CCSER2: variants seen among roughly 807,000 people sequenced by gnomAD.
The protein encoded by CCSER2 is coiled-coil serine rich protein 2, also known as serine-rich coiled-coil domain-containing protein 2.
A neutral mutation model predicts 92.3 loss-of-function variants in CCSER2; 46 were observed. That is an observed-to-expected ratio of 0.50 (90% CI 0.39 to 0.64). The LOEUF is 0.64. Among genes scored for constraint, CCSER2 ranks in the 30% least tolerant of loss-of-function variants. The pLI is 0.00. For missense variants in CCSER2, 1,244 were observed against 1,238.9 expected (o/e 1.00, Z -0.06); for synonymous variants, 433 against 431.4 (o/e 1.00, Z -0.04).
intron 6 of CCSER2, among the ~76,000 whole-genome samples, chr10:84,457,256 TAAA>T (rs1564684258): frequency 0.017 from 656 of 39,236 alleles, 28 homozygotes; most frequent in Middle Eastern, 0.056. Context: ...ATATATTATA[TAAA>T]ATATATTATA....
In CCSER2 at chr10:84,499,810, T is replaced by A. The variant is rs866008169; in HGVS notation, c.2326-13639T>A. On this transcript the variant is annotated intron_variant, in intron 9 of 9. Coordinates refer to ENST00000372088, the MANE Select transcript of CCSER2 (RefSeq NM_001284240.2). ...ATTTAAAAGTAAAACAAAGTATGAC[T>A]TGGTTTCTCTATTTTTTGGTTCCCT... is the stretch of plus-strand genomic sequence containing the variant. The A allele has an allele frequency of 5.3e-5, 80 of 1,507,098 alleles. 1 individual carries two copies. The Middle Eastern group carries it at 2.7e-3, about 52-fold the overall frequency. 93.4% of individuals were successfully genotyped at this position (1,507,098 alleles called of 1,614,324 possible). A position where few individuals can be genotyped will look rare whatever the true frequency, so the allele number is the denominator to read the frequency against.
At chr10:84,355,484 C>T (rs1022670623) in intron 1 of CCSER2, among the ~76,000 whole-genome samples, 1 of 152,038 alleles carries the variant, frequency 6.6e-6, no homozygotes, top group Non-Finnish European at 1.5e-5. Flanking sequence ...TTATGTTATC[C>T]CTCTCTCCCA....
At chr10:84,465,633 T>C (rs2133682958) in intron 7 of CCSER2, among the ~76,000 whole-genome samples, 1 of 152,174 alleles carries the variant, frequency 6.6e-6, no homozygotes, top group South Asian at 2.1e-4. Flanking sequence ...GACAAGAAAT[T>C]ATGTTTTAAA....
At chr10:84,482,061 C>T (rs1847491234) in intron 9 of CCSER2, among the ~76,000 whole-genome samples, 1 of 152,030 alleles carries the variant, frequency 6.6e-6, no homozygotes. Context: ...ATGATATCTA[C>T]TTACATGGAT....
intron 3 of CCSER2, among the ~76,000 whole-genome samples, chr10:84,414,876 T>G (rs1373805237): frequency 1.3e-5 from 2 of 152,190 alleles, no homozygotes; most frequent in Non-Finnish European, 2.9e-5. Context: ...TCTTGTCTGC[T>G]TGTTTTATTT....
At chr10:84,366,039 G>A (rs1030228256) in intron 1 of CCSER2, among the ~76,000 whole-genome samples, 4 of 152,122 alleles carry the variant, frequency 2.6e-5, no homozygotes, top group African/African-American at 9.7e-5. Context: ...GGCAAACATT[G>A]CTGCTTGATC....
chr10:84,501,834 AATATATAT>A (rs1554868293), intron 9 of CCSER2, among the ~76,000 whole-genome samples: 1 of 40,152 alleles, frequency 2.5e-5, no homozygotes, highest in African/African-American at 4.7e-5. Flanking sequence ...AAAAAAAAAA[AATATATAT>A]ATATATATAT....
At chr10:84,477,405 C>A (rs1410607858) in intron 8 of CCSER2, among the ~76,000 whole-genome samples, 170 bp from the exon 9 acceptor site, 1 of 152,032 alleles carries the variant, frequency 6.6e-6, no homozygotes, top group East Asian at 1.9e-4. Context: ...GTTACATACC[C>A]CCTAAAAGAG....
At chr10:84,444,562 A>G (rs569614680) in intron 6 of CCSER2, among the ~76,000 whole-genome samples, 1 of 152,282 alleles carries the variant, frequency 6.6e-6, no homozygotes, top group African/African-American at 2.4e-5. Context: ...ACCCTAATCT[A>G]TATGACTCCA....
chr10:84,470,371 G>T lies in CCSER2; in HGVS notation c.2149-1G>T. The T allele has an allele frequency of 7.7e-7, 1 of 1,292,824 alleles. No homozygotes were observed. The highest frequency in any genetic ancestry group is 1.0e-6 in the Non-Finnish European group (1 of 967,310). 80.1% of individuals were successfully genotyped at this position (1,292,824 alleles called of 1,614,324 possible). ...CATCTAAAGATTTTTTAATATTTCA[G>T]AATGAAGATTTATTAAATGAAATAA... On this transcript the variant is annotated splice_acceptor_variant, in intron 7 of 9. Coordinates refer to ENST00000372088, the MANE Select transcript of CCSER2 (RefSeq NM_001284240.2). LOFTEE classifies it high-confidence loss of function.
At chr10:84,332,035 G>T (rs970178684) in intron 1 of CCSER2, among the ~76,000 whole-genome samples, 1 of 151,874 alleles carries the variant, frequency 6.6e-6, no homozygotes, top group Non-Finnish European at 1.5e-5. Flanking sequence ...AAAGTCAGAG[G>T]GTATGAAGGT....
intron 1 of CCSER2, among the ~76,000 whole-genome samples, chr10:84,362,983 C>A (rs955974523): frequency 1.3e-5 from 2 of 151,244 alleles, no homozygotes; most frequent in Non-Finnish European, 2.9e-5. Context: ...ATTACAGGTG[C>A]CTGCCACCAC....
chr10:84,499,852 C>T, intron 9 of CCSER2: 2 of 1,613,174 alleles, frequency 1.2e-6, no homozygotes, highest in Non-Finnish European at 1.7e-6. Flanking sequence ...TTATACCTCC[C>T]TACCCCATCT....
chr10:84,365,698 G>A (rs1845742244), intron 1 of CCSER2, among the ~76,000 whole-genome samples: 2 of 152,138 alleles, frequency 1.3e-5, no homozygotes. Context: ...TACTGAAGAT[G>A]CTCTTGGGAG....
chr10:84,503,818 A>G (rs1002325425), intron 9 of CCSER2, among the ~76,000 whole-genome samples: 4 of 152,174 alleles, frequency 2.6e-5, no homozygotes, highest in South Asian at 2.1e-4. Flanking sequence ...AAATGCATCT[A>G]TATTTGTCGT....
chr10:84,485,905 C>T (rs939827206), intron 9 of CCSER2, among the ~76,000 whole-genome samples: 1 of 152,206 alleles, frequency 6.6e-6, no homozygotes, highest in Non-Finnish European at 1.5e-5. Context: ...CCCCCAACCC[C>T]ACAACAAGCC....
intron 1 of CCSER2, among the ~76,000 whole-genome samples, chr10:84,370,138 T>A (rs1418219523): frequency 6.6e-6 from 1 of 152,148 alleles, no homozygotes; most frequent in Non-Finnish European, 1.5e-5. Flanking sequence ...CATATGAATT[T>A]TAGGATTGTT....
intron 3 of CCSER2, among the ~76,000 whole-genome samples, chr10:84,393,091 T>C (rs558147766): frequency 6.6e-6 from 1 of 152,254 alleles, no homozygotes; most frequent in East Asian, 1.9e-4. Context: ...TGTTCCTTCT[T>C]AAGATTTGTG....
At chr10:84,495,175 GT>G (rs34336622) in intron 9 of CCSER2, among the ~76,000 whole-genome samples, 22,264 of 140,250 alleles carry the variant, frequency 0.16, 1,564 homozygotes, top group Admixed American at 0.24. Context: ...GTTTGATATG[GT>G]TTTTTTTTTT....
Sources: gnomAD v4.1 joint callset for allele counts (sites outside exome capture counted in the v4.1 genomes callset) on GRCh38, gnomAD v4.1.1 for gene constraint, MANE v1.5 for transcripts, NCBI Gene and HGNC (gene_info 2026-07-23, HGNC 2026-07-21) for gene names.